Variants in METTL15 observed in about 807,000 individuals in gnomAD.
The protein encoded by METTL15 is 12S rRNA N(4)-cytidine methyltransferase METTL15.
METTL15 carries 34 observed loss-of-function variants against 38.3 expected under a neutral mutation model. The observed-to-expected ratio is 0.89, with a 90% CI of 0.68 to 1.18. METTL15 has a LOEUF of 1.18. Among genes scored for constraint, METTL15 ranks in the 50% most tolerant of loss-of-function variants. The pLI is 0.00. For missense variants in METTL15, 438 were observed against 498.4 expected (o/e 0.88, Z 1.15); for synonymous variants, 162 against 170.9 (o/e 0.95, Z 0.41).
At chr11:28,312,007 CAG>C (rs1236405325) in intron 6 of METTL15, among the ~76,000 whole-genome samples, 1 of 152,186 alleles carries the variant, frequency 6.6e-6, no homozygotes, top group East Asian at 1.9e-4. Context: ...AAAGCTGAGA[CAG>C]AGGAAAGCAT....
chr11:28,397,650 A>T (rs1850585899), intron 5 of METTL15, among the ~76,000 whole-genome samples: 1 of 151,972 alleles, frequency 6.6e-6, no homozygotes, highest in African/African-American at 2.4e-5. Flanking sequence ...GGGACTGTAA[A>T]CTAGTTCAAC....
At chr11:28,531,081 C>CT (rs1851841106), downstream of METTL15, among the ~76,000 whole-genome samples, 1 of 151,836 alleles carries the variant, frequency 6.6e-6, no homozygotes. Flanking sequence ...TGCATTTGTA[C>CT]TTTTCATTCA....
At chr11:28,375,654 G>T (rs897236293) in intron 5 of METTL15, among the ~76,000 whole-genome samples, 1 of 151,880 alleles carries the variant, frequency 6.6e-6, no homozygotes, top group Non-Finnish European at 1.5e-5. Context: ...GGTTTTTTGT[G>T]TCTCTATTTC....
chr11:28,527,713 T>C (rs1851821578), downstream of METTL15, among the ~76,000 whole-genome samples: 1 of 152,312 alleles, frequency 6.6e-6, no homozygotes, highest in South Asian at 2.1e-4. Context: ...GAAGTGATAA[T>C]TGAACGAAGA....
chr11:28,268,145 C>T (rs1360880428), intron 4 of METTL15, among the ~76,000 whole-genome samples: 95 of 121,082 alleles, frequency 7.8e-4, no homozygotes, highest in African/African-American at 2.7e-3. Context: ...TGCAGTGAGC[C>T]GAGATCCCGC....
At chr11:28,427,841 G>C (rs112443445) in intron 6 of METTL15, among the ~76,000 whole-genome samples, 3 of 151,946 alleles carry the variant, frequency 2.0e-5, no homozygotes, top group African/African-American at 7.2e-5. Flanking sequence ...GGGCTGAGAG[G>C]ATGGGATCAT....
At chr11:28,284,716 A>G (rs1015809673) in intron 4 of METTL15, among the ~76,000 whole-genome samples, 1 of 152,206 alleles carries the variant, frequency 6.6e-6, no homozygotes, top group African/African-American at 2.4e-5. Flanking sequence ...CTCTATTAAT[A>G]TAACTAGAAC....
chr11:28,375,924 A>G (rs1228971497), intron 5 of METTL15, among the ~76,000 whole-genome samples: 1 of 151,328 alleles, frequency 6.6e-6, no homozygotes, highest in East Asian at 1.9e-4. Context: ...TTCGTTATGT[A>G]CCCAGTAGTC....
intron 5 of METTL15, among the ~76,000 whole-genome samples, chr11:28,391,808 A>G (rs1462087350): frequency 6.6e-6 from 1 of 152,192 alleles, no homozygotes; most frequent in Non-Finnish European, 1.5e-5. Context: ...TTACACAAAA[A>G]TTAATTCAAG....
At chr11:28,266,753 T>G (rs1855436360) in intron 4 of METTL15, among the ~76,000 whole-genome samples, 2 of 152,306 alleles carry the variant, frequency 1.3e-5, no homozygotes, top group South Asian at 4.1e-4. Flanking sequence ...TCCCAGATAA[T>G]TATGTCTCCG....
intron 6 of METTL15, among the ~76,000 whole-genome samples, chr11:28,489,015 A>G (rs969092190): frequency 6.6e-6 from 1 of 152,128 alleles, no homozygotes; most frequent in African/African-American, 2.4e-5. Context: ...CACAGTAAAC[A>G]TTGCTAATCT....
intron 3 of METTL15, among the ~76,000 whole-genome samples, chr11:28,119,961 A>AT (rs1205449887): frequency 1.3e-5 from 2 of 151,800 alleles, no homozygotes; most frequent in African/African-American, 2.4e-5. Context: ...ATCTTTTTAA[A>AT]TTTTTTTTGA....
At chr11:28,170,899 C>A (rs1850833676) in intron 3 of METTL15, among the ~76,000 whole-genome samples, 2 of 152,290 alleles carry the variant, frequency 1.3e-5, no homozygotes, top group Middle Eastern at 3.4e-3. Context: ...CTTACAATGC[C>A]TAACCTCCTG....
At chr11:28,306,545 A>G (rs1857088324) in intron 6 of METTL15, among the ~76,000 whole-genome samples, 1 of 152,076 alleles carries the variant, frequency 6.6e-6, no homozygotes, top group African/African-American at 2.4e-5. Context: ...TAGGTGGCAG[A>G]TACAATAACA....
intron 4 of METTL15, among the ~76,000 whole-genome samples, chr11:28,215,176 A>G (rs1344012503): frequency 6.6e-6 from 1 of 152,190 alleles, no homozygotes; most frequent in Admixed American, 6.5e-5. Flanking sequence ...TCTATGCAAC[A>G]TTCCTTTTTG....
chr11:28,279,439 TTC>T (rs1234909233), intron 4 of METTL15, among the ~76,000 whole-genome samples: 1 of 152,196 alleles, frequency 6.6e-6, no homozygotes, highest in Non-Finnish European at 1.5e-5. Flanking sequence ...CCCACCATGT[TTC>T]TGTTTGTTCT....
At chr11:28,147,052 T>C (rs1849912014) in intron 3 of METTL15, among the ~76,000 whole-genome samples, 1 of 151,904 alleles carries the variant, frequency 6.6e-6, no homozygotes, top group Non-Finnish European at 1.5e-5. Flanking sequence ...GCAAGTATGT[T>C]CTGGCAAAAT....
chr11:28,432,835 A>T (rs1289906784), intron 6 of METTL15, among the ~76,000 whole-genome samples: 3 of 152,220 alleles, frequency 2.0e-5, no homozygotes, highest in East Asian at 3.9e-4. Flanking sequence ...GTTTTATAGC[A>T]TGTCCTTGTT....
At chr11:28,512,413 C>T (rs1448059770) in intron 6 of METTL15, among the ~76,000 whole-genome samples, 1 of 152,218 alleles carries the variant, frequency 6.6e-6, no homozygotes, top group Non-Finnish European at 1.5e-5. Context: ...GCTTGGGCTG[C>T]ACAGGAGCCC....
Sources: allele counts gnomAD v4.1 joint callset (sites outside exome capture counted in the v4.1 genomes callset), GRCh38; gene constraint gnomAD v4.1.1; transcripts MANE v1.5; gene names NCBI Gene and HGNC (gene_info 2026-07-23, HGNC 2026-07-21).